Variants in CARNMT1 observed in about 807,000 individuals in gnomAD.
CARNMT1 encodes the protein carnosine N-methyltransferase 1.
CARNMT1 carries 28 observed loss-of-function variants against 49.6 expected under a neutral mutation model. That is an observed-to-expected ratio of 0.56 (90% CI 0.42 to 0.77). The LOEUF is 0.77. CARNMT1 is among the 30% of genes least tolerant of loss of function. The pLI is 0.00. For missense variants in CARNMT1, 421 were observed against 512.6 expected (o/e 0.82, Z 1.73); for synonymous variants, 178 against 175.0 (o/e 1.02, Z -0.13).
chr9:75,009,778 C>A (rs181309824), intron 3 of CARNMT1: 10 of 151,754 alleles, frequency 6.6e-5, no homozygotes, highest in South Asian at 4.1e-4. Flanking sequence ...TATTCCTTTA[C>A]ATACAATGCC....
At position 74,982,782 on chromosome 9, in the gene CARNMT1, T is replaced by C. The variant is rs1832721467; in HGVS notation, c.*985A>G. 1 of 152,180 alleles carries C rather than the reference T, an allele frequency of 6.6e-6. No individual in the cohort carries two copies. The highest frequency in any genetic ancestry group is 1.5e-5 in the Non-Finnish European group (1 of 68,024). 9.4% of individuals were successfully genotyped at this position (152,180 alleles called of 1,614,324 possible). A position where few individuals can be genotyped will look rare whatever the true frequency, so the allele number is the denominator to read the frequency against. On this transcript the variant is annotated 3_prime_UTR_variant, in exon 8 of 8. Transcript: ENST00000376834. ...TCATTTAGAGTCTGAAAATCACATA[T>C]TTCAAATGGGTAAATTTTATTCTTA...
intron 5 of CARNMT1, among the ~76,000 whole-genome samples, chr9:74,996,906 GTCAT>G (rs1242144397): frequency 2.0e-5 from 3 of 152,182 alleles, no homozygotes; most frequent in Admixed American, 6.5e-5. Flanking sequence ...CAAAATAATA[GTCAT>G]TCAAATTTAA....
Position 74,984,910 on chromosome 9 carries a change from T to C in CARNMT1, c.1125A>G (p.Val375=). The C allele has an allele frequency of 1.2e-6, 2 of 1,607,636 alleles. No individual in the cohort carries two copies. Among genetic ancestry groups the C allele is most frequent in the Non-Finnish European group, 1.7e-6 (2 of 1,174,370 alleles). Reference sequence around the variant, plus strand: ...CAATATTTTATTCCATTCTTACCTCTACCTTGAATCCATACTGCAGAACAA... The same window carrying C: ...CAATATTTTATTCCATTCTTACCTCCACCTTGAATCCATACTGCAGAACAA... ...KNVVLQYGFK[V]EVEKESVLST... Residue 375 remains valine, a synonymous_variant, in exon 7 of 8, where the codon GTA becomes GTG. Coordinates refer to ENST00000376834, the MANE Select transcript of CARNMT1 (RefSeq NM_152420.3).
At chr9:75,012,842 C>A (rs1233341552) in intron 3 of CARNMT1, among the ~76,000 whole-genome samples, 1 of 150,834 alleles carries the variant, frequency 6.6e-6, no homozygotes, top group Non-Finnish European at 1.5e-5. Context: ...GGCGTGAACC[C>A]GGGAGGCGGA....
At chr9:75,023,084 G>A (rs1451218554) in intron 1 of CARNMT1, among the ~76,000 whole-genome samples, 26 of 150,710 alleles carry the variant, frequency 1.7e-4, no homozygotes, top group Non-Finnish European at 1.5e-5. Context: ...AGAGGTTGCA[G>A]TGAGTTGAGA....
intron 1 of CARNMT1, among the ~76,000 whole-genome samples, chr9:75,018,365 T>C (rs1833911732): frequency 6.6e-6 from 1 of 152,112 alleles, no homozygotes; most frequent in African/African-American, 2.4e-5. Flanking sequence ...TGCCTGGCCA[T>C]AAGAACATCA....
At chr9:74,990,541 G>A (rs1010591592) in intron 6 of CARNMT1, among the ~76,000 whole-genome samples, 7 of 152,146 alleles carry the variant, frequency 4.6e-5, no homozygotes, top group African/African-American at 9.7e-5. Flanking sequence ...TTACATACAC[G>A]CATATACATG....
chr9:74,995,274 T>C (rs1833152994), intron 6 of CARNMT1, among the ~76,000 whole-genome samples: 1 of 152,172 alleles, frequency 6.6e-6, no homozygotes, highest in Non-Finnish European at 1.5e-5. Flanking sequence ...ACTGTTCTGC[T>C]AGTTATTTAA....
intron 6 of CARNMT1, 130 bp downstream of exon 6, chr9:74,996,315 CTG>C (rs1833187325): frequency 1.7e-6 from 1 of 581,440 alleles, no homozygotes; most frequent in South Asian, 2.2e-5. Flanking sequence ...CTAAAGGAAA[CTG>C]TAGTGGTTTT....
intron 3 of CARNMT1, among the ~76,000 whole-genome samples, chr9:75,008,932 G>A (rs973306539): frequency 1.3e-5 from 2 of 152,062 alleles, no homozygotes; most frequent in Non-Finnish European, 2.9e-5. Flanking sequence ...AATTAAAATA[G>A]TATGTTATGG....
rs550040983 is a variant in CARNMT1 at position 75,007,747 on chromosome 9, A to C, written c.591-7877T>G. ...CTGTCTCAAAAAAATAAAAATAATA[A>C]AAAAAAAAAAACTAAGAAAATTCTT... On this transcript the variant is annotated intron_variant, in intron 3 of 7. Transcript: ENST00000376834. 3.9e-4 allele frequency among the ~76,000 whole-genome samples: 58 copies of C among 149,782 alleles called. 1 individual carries two copies. Among genetic ancestry groups the C allele is most frequent in the African/African-American group, 1.3e-3 (55 of 40,966 alleles).
intron 6 of CARNMT1, chr9:74,991,770 G>A (rs987482695): frequency 7.2e-5 from 11 of 152,032 alleles, no homozygotes; most frequent in Admixed American, 3.9e-4. Context: ...AGAGTTATTC[G>A]GGTAAGGTGG....
At position 74,992,230 on chromosome 9, in the gene CARNMT1, C is replaced by A. The variant is rs528251295; in HGVS notation, c.1024+4217G>T. Among the ~76,000 whole-genome samples, 24 of 151,764 alleles carry A rather than the reference C, an allele frequency of 1.6e-4. No individual in the cohort carries two copies. In the East Asian group the frequency reaches 3.7e-3, roughly 23 times the overall value. On this transcript the variant is annotated intron_variant, in intron 6 of 7. Transcript: ENST00000376834. ...GAGGTTGCAGTGAGCCGAGATGGTA[C>A]CACTGCACTCCAGCCTGGGTGACAG...
At chr9:75,019,534 T>G (rs1359013438) in intron 1 of CARNMT1, among the ~76,000 whole-genome samples, 2 of 152,122 alleles carry the variant, frequency 1.3e-5, no homozygotes, top group African/African-American at 2.4e-5. Context: ...AAAGTGACAT[T>G]TAGTATCTCT....
chr9:75,018,574 T>C (rs566356640), intron 1 of CARNMT1, among the ~76,000 whole-genome samples: 1 of 152,262 alleles, frequency 6.6e-6, no homozygotes, highest in South Asian at 2.1e-4. Flanking sequence ...CTAGTACAAC[T>C]TAGCATGGTA....
rs556189728 is a variant in CARNMT1, at chr9:74,982,221, G to A, written c.*1546C>T. 1 of 152,220 alleles carries A rather than the reference G, an allele frequency of 6.6e-6. No homozygotes were observed. Among genetic ancestry groups the A allele is most frequent in the East Asian group, 1.9e-4 (1 of 5,182 alleles). The allele number at this position is 152,220 out of a possible 1,614,324, so 9.4% of individuals were successfully genotyped here. A position where few individuals can be genotyped will look rare whatever the true frequency, so the allele number is the denominator to read the frequency against. On this transcript the variant is annotated 3_prime_UTR_variant, in exon 8 of 8. Transcript: ENST00000376834. ...ACAACAAAGGTCTAAAGATTTACAA[G>A]TAACTTTTCCTATTAAAACATGACA...
At chr9:75,007,323 T>C (rs1230290274) in intron 3 of CARNMT1, among the ~76,000 whole-genome samples, 1 of 152,206 alleles carries the variant, frequency 6.6e-6, no homozygotes, top group East Asian at 1.9e-4. Flanking sequence ...AGAAAATCAA[T>C]TGATGAAATA....
At chr9:75,016,228 T>A in intron 3 of CARNMT1, 40 bp downstream of exon 3, 1 of 1,458,778 alleles carries the variant, frequency 6.9e-7, no homozygotes, top group Non-Finnish European at 9.5e-7. Context: ...CAAGTGTTCA[T>A]ACACTTTAAA....
At chr9:74,986,916 CCCA>C (rs991944326) in intron 6 of CARNMT1, among the ~76,000 whole-genome samples, 78 of 152,300 alleles carry the variant, frequency 5.1e-4, no homozygotes, top group African/African-American at 1.8e-3. Flanking sequence ...TGCTTTTGAA[CCCA>C]CCACAATGCC....
Sources: gnomAD v4.1 joint callset for allele counts (sites outside exome capture counted in the v4.1 genomes callset) on GRCh38, gnomAD v4.1.1 for gene constraint, MANE v1.5 for transcripts, NCBI Gene and HGNC (gene_info 2026-07-23, HGNC 2026-07-21) for gene names.